Variants in ENTREP2 observed in about 807,000 individuals in gnomAD.
ENTREP2 encodes the protein protein ENTREP2.
the ENTREP2 span, among the ~76,000 whole-genome samples, chr15:29,591,637 C>G: frequency 2.0e-5 from 3 of 151,894 alleles, no homozygotes; most frequent in Non-Finnish European, 4.4e-5. Flanking sequence ...TTCACACCTG[C>G]AATCCCAGCA....
the ENTREP2 span, among the ~76,000 whole-genome samples, chr15:29,132,832 G>T: frequency 4.6e-5 from 7 of 152,140 alleles, no homozygotes; most frequent in African/African-American, 1.7e-4. Flanking sequence ...ACGGACAGGG[G>T]TTCCTGTCGT....
the ENTREP2 span, among the ~76,000 whole-genome samples, chr15:29,373,202 TGAG>T: frequency 5.3e-5 from 8 of 151,412 alleles, no homozygotes; most frequent in African/African-American, 1.7e-4. Context: ...AATAAGGAAA[TGAG>T]GAGAGGTCCC....
At chr15:29,310,968 T>A in the ENTREP2 span, among the ~76,000 whole-genome samples, 2 of 151,816 alleles carry the variant, frequency 1.3e-5, no homozygotes, top group African/African-American at 4.8e-5. Flanking sequence ...TAGACATGAG[T>A]GAAAATTCAA....
chr15:29,142,846 A>C, the ENTREP2 span, among the ~76,000 whole-genome samples: 3 of 152,108 alleles, frequency 2.0e-5, no homozygotes, highest in Admixed American at 6.5e-5. Flanking sequence ...AGAAAAGTGG[A>C]AGAATGAGAT....
the ENTREP2 span, among the ~76,000 whole-genome samples, chr15:29,225,712 C>T: frequency 5.2e-3 from 791 of 152,274 alleles, 6 homozygotes; most frequent in African/African-American, 0.018. Context: ...CCCACGGAAC[C>T]GGGGGACACA....
the ENTREP2 span, among the ~76,000 whole-genome samples, chr15:29,170,800 A>G: frequency 6.6e-6 from 1 of 152,230 alleles, no homozygotes; most frequent in African/African-American, 2.4e-5. Flanking sequence ...TGAGAAATAA[A>G]TGTCTGCTGT....
At chr15:29,212,136 T>G in the ENTREP2 span, among the ~76,000 whole-genome samples, 1 of 152,214 alleles carries the variant, frequency 6.6e-6, no homozygotes, top group Admixed American at 6.5e-5. Context: ...ATTTTTAAAT[T>G]GTCATTTCAA....
chr15:29,541,703 A>G, the ENTREP2 span, among the ~76,000 whole-genome samples: 1 of 152,178 alleles, frequency 6.6e-6, no homozygotes, highest in Non-Finnish European at 1.5e-5. Flanking sequence ...ATGGGAGGGA[A>G]CAGGCAGAGT....
At chr15:29,397,331 C>T in the ENTREP2 span, among the ~76,000 whole-genome samples, 10 of 152,070 alleles carry the variant, frequency 6.6e-5, no homozygotes, top group African/African-American at 2.4e-4. Flanking sequence ...GCAGAGGTTG[C>T]CGTGAGCCGA....
the ENTREP2 span, among the ~76,000 whole-genome samples, chr15:29,214,319 GA>G: frequency 2.0e-5 from 3 of 152,182 alleles, no homozygotes; most frequent in African/African-American, 7.2e-5. Flanking sequence ...ACTGGATTAA[GA>G]AAATGTGGCA....
the ENTREP2 span, among the ~76,000 whole-genome samples, chr15:29,242,025 T>C: frequency 2.0e-5 from 3 of 152,146 alleles, no homozygotes; most frequent in Non-Finnish European, 4.4e-5. Context: ...GCCTGGGCAA[T>C]AGGTGAGACC....
chr15:29,321,939 TA>T, the ENTREP2 span, among the ~76,000 whole-genome samples: 1 of 151,794 alleles, frequency 6.6e-6, no homozygotes, highest in Non-Finnish European at 1.5e-5. Flanking sequence ...TTTACCCATG[TA>T]ACCAACCTGC....
chr15:29,170,997 T>C, the ENTREP2 span, among the ~76,000 whole-genome samples: 10 of 152,234 alleles, frequency 6.6e-5, no homozygotes, highest in Admixed American at 5.2e-4. Context: ...TGGTGGAAGG[T>C]GAAAGGCAGA....
chr15:29,288,725 C>G, the ENTREP2 span, among the ~76,000 whole-genome samples: 3 of 152,164 alleles, frequency 2.0e-5, no homozygotes, highest in Non-Finnish European at 4.4e-5. Flanking sequence ...GTACCCTCAT[C>G]TAGGCTTGAG....
chr15:29,342,045 A>G, the ENTREP2 span, among the ~76,000 whole-genome samples: 3 of 152,222 alleles, frequency 2.0e-5, no homozygotes, highest in Non-Finnish European at 4.4e-5. Context: ...TTGCAAGTAG[A>G]AAAGACCACC....
chr15:29,402,551 C>T, the ENTREP2 span, among the ~76,000 whole-genome samples: 3 of 152,238 alleles, frequency 2.0e-5, no homozygotes, highest in African/African-American at 7.2e-5. Context: ...CTCAAGTGAT[C>T]CCCTCGCTGT....
the ENTREP2 span, chr15:29,570,526 G>A: frequency 6.9e-7 from 1 of 1,446,700 alleles, no homozygotes; most frequent in Non-Finnish European, 9.1e-7. Context: ...CCCAGAAGGG[G>A]CAGGAGTGGC....
chr15:29,193,940 A>C, the ENTREP2 span, among the ~76,000 whole-genome samples: 1 of 152,210 alleles, frequency 6.6e-6, no homozygotes, highest in Non-Finnish European at 1.5e-5. Context: ...AGATCTATAT[A>C]CTGAAATTTA....
the ENTREP2 span, among the ~76,000 whole-genome samples, chr15:29,300,151 A>AATGGATGG: frequency 5.3e-4 from 68 of 128,158 alleles, no homozygotes; most frequent in African/African-American, 1.4e-3. Context: ...ATGGATGGAT[A>AATGGATGG]ATGGATGGAT....
Sources: gnomAD v4.1 joint callset for allele counts (sites outside exome capture counted in the v4.1 genomes callset) on GRCh38, gnomAD v4.1.1 for gene constraint, MANE v1.5 for transcripts, NCBI Gene and HGNC (gene_info 2026-07-23, HGNC 2026-07-21) for gene names.